Variants in VOPP1 observed in about 807,000 individuals in gnomAD.
VOPP1 encodes the protein VOPP1 WW domain binding protein.
In VOPP1, 8 loss-of-function variants were observed where a neutral mutation model predicts 23.5. The observed-to-expected ratio is 0.34, with a 90% confidence interval of 0.20 to 0.61. The LOEUF (loss-of-function observed/expected upper bound fraction) is 0.61. Among genes scored for constraint, VOPP1 ranks in the 20% least tolerant of loss-of-function variants. The pLI, the probability that VOPP1 is intolerant of heterozygous loss-of-function variation, is 0.78. For missense variants in VOPP1, 174 were observed against 238.1 expected (o/e 0.73, Z 1.77); for synonymous variants, 83 against 97.3 (o/e 0.85, Z 0.86).
chr7:55,560,608 G>C (rs1220292571), intron 1 of VOPP1, among the ~76,000 whole-genome samples: 1 of 152,186 alleles, frequency 6.6e-6, no homozygotes, highest in Non-Finnish European at 1.5e-5. Context: ...TGAGCCCACT[G>C]AGAGCCATTT....
intron 1 of VOPP1, among the ~76,000 whole-genome samples, chr7:55,524,108 G>T (rs1796031884): frequency 6.6e-6 from 1 of 152,194 alleles, no homozygotes; most frequent in Non-Finnish European, 1.5e-5. Context: ...GCCCTTCCTG[G>T]GGCCCTCCCA....
At position 55,497,845 on chromosome 7, in the gene VOPP1, C is replaced by T. The variant is rs538309074; in HGVS notation, c.114-155G>A. Reference sequence around the variant, plus strand: ...CTGCCTCCACTGCATTTCACAGAACCAGCAGAGCAGAATGACATCAGCCTG... The same window carrying T: ...CTGCCTCCACTGCATTTCACAGAACTAGCAGAGCAGAATGACATCAGCCTG... On this transcript the variant is annotated intron_variant, in intron 2 of 4. Coordinates refer to ENST00000285279, the MANE Select transcript of VOPP1 (RefSeq NM_030796.5). 1.6e-4 allele frequency among the ~76,000 whole-genome samples: 25 copies of T among 152,376 alleles called. No homozygotes were observed. In the East Asian group the frequency reaches 4.6e-3, roughly 28 times the overall value.
At chr7:55,473,290 G>A (rs1402938178) in intron 4 of VOPP1, among the ~76,000 whole-genome samples, 3 of 152,200 alleles carry the variant, frequency 2.0e-5, no homozygotes, top group Non-Finnish European at 4.4e-5. Flanking sequence ...TCACACATTA[G>A]GGTGGAGGAA....
intron 1 of VOPP1, among the ~76,000 whole-genome samples, chr7:55,551,063 C>T (rs1584105451): frequency 6.6e-6 from 1 of 152,212 alleles, no homozygotes; most frequent in East Asian, 1.9e-4. Context: ...ACACTGAGTG[C>T]TCTGGTTGGG....
At chr7:55,482,410 C>A (rs1792795161) in intron 4 of VOPP1, among the ~76,000 whole-genome samples, 1 of 147,544 alleles carries the variant, frequency 6.8e-6, no homozygotes, top group Non-Finnish European at 1.5e-5. Flanking sequence ...TGCAGTGGCG[C>A]TATCTAGGCT....
intron 1 of VOPP1, chr7:55,521,856 C>G: frequency 1.0e-6 from 1 of 983,794 alleles, no homozygotes; most frequent in Non-Finnish European, 1.2e-6. Flanking sequence ...CCCCACTGCT[C>G]AGGGAGCTCT....
chr7:55,534,087 T>A (rs532569039), intron 1 of VOPP1, among the ~76,000 whole-genome samples: 1 of 151,632 alleles, frequency 6.6e-6, no homozygotes, highest in South Asian at 2.1e-4. Flanking sequence ...GCTGTCACTG[T>A]GTCCTGGCTT....
chr7:55,473,054 C>T lies in VOPP1; in HGVS notation c.329-9G>A, dbSNP rs991178355. ...CCCCGGCTGCTGGGCTCCTGAAAGA[C>T]AGACAAACATAGGTGAGCACAGAAG... On this transcript the variant is annotated splice_polypyrimidine_tract_variant and intron_variant, in intron 4 of 4. Coordinates refer to ENST00000285279, the MANE Select transcript of VOPP1 (RefSeq NM_030796.5). The T allele has an allele frequency of 1.3e-6, 2 of 1,596,404 alleles. No homozygotes were observed. The highest frequency in any genetic ancestry group is 2.7e-5 in the African/African-American group (2 of 74,092).
At chr7:55,548,495 CACTT>C (rs879294904) in intron 1 of VOPP1, among the ~76,000 whole-genome samples, 17 of 152,236 alleles carry the variant, frequency 1.1e-4, no homozygotes, top group Admixed American at 9.8e-4. Flanking sequence ...TATCTGTCCT[CACTT>C]ACAGGGACCT....
At chr7:55,557,048 T>C (rs1387235607) in intron 1 of VOPP1, among the ~76,000 whole-genome samples, 3 of 152,238 alleles carry the variant, frequency 2.0e-5, no homozygotes, top group African/African-American at 7.2e-5. Flanking sequence ...AAGCCTTCAC[T>C]TCCTACTTCG....
rs1222470134 is a variant in VOPP1 at position 55,470,950 on chromosome 7, T to C, written c.*1905A>G. ...CTCACACAAACATGGGAATACAAAA[T>C]TGTTGAGCCCTAGCCATCACTGTCT... On this transcript the variant is annotated 3_prime_UTR_variant, in exon 5 of 5. Transcript: ENST00000285279. The C allele has an allele frequency of 6.6e-6, 1 of 152,322 alleles. No individual in the cohort carries two copies. Among genetic ancestry groups the C allele is most frequent in the Non-Finnish European group, 1.5e-5 (1 of 68,026 alleles). 9.4% of individuals were successfully genotyped at this position (152,322 alleles called of 1,614,324 possible).
intron 1 of VOPP1, among the ~76,000 whole-genome samples, chr7:55,550,041 C>T (rs763447336): frequency 2.6e-5 from 4 of 152,214 alleles, no homozygotes; most frequent in Admixed American, 2.0e-4. Context: ...CACCACAGGC[C>T]GGGCCAAGGG....
chr7:55,482,482 ATTTTTTTTTT>A (rs71031859), intron 4 of VOPP1, among the ~76,000 whole-genome samples: 5 of 132,824 alleles, frequency 3.8e-5, no homozygotes, highest in Non-Finnish European at 6.3e-5. Flanking sequence ...CACCTGGCTA[ATTTTTTTTTT>A]TTTTTTTTTT....
chr7:55,479,007 G>A (rs1039628320), intron 4 of VOPP1, among the ~76,000 whole-genome samples: 2 of 152,200 alleles, frequency 1.3e-5, no homozygotes, highest in African/African-American at 2.4e-5. Flanking sequence ...ATGCTGCTGA[G>A]CCATGCAGTT....
At chr7:55,542,954 T>C (rs543756104) in intron 1 of VOPP1, among the ~76,000 whole-genome samples, 1 of 152,194 alleles carries the variant, frequency 6.6e-6, no homozygotes, top group Non-Finnish European at 1.5e-5. Context: ...CTCGCTCTGT[T>C]GTCCAGGCTG....
At chr7:55,456,759 TGG>T (rs1376827002) in intron 4 of VOPP1, among the ~76,000 whole-genome samples, 1 of 151,498 alleles carries the variant, frequency 6.6e-6, no homozygotes. Context: ...TGAAAACACA[TGG>T]ACACAGGGAG....
At position 55,497,718 on chromosome 7, in the gene VOPP1, C is replaced by T. The variant is rs773126361; in HGVS notation, c.114-28G>A. ...GTGGAGAGAGGCACAGGCTGGTCAGCACTGAATTGGAAGCAGCCACCGGAC... is the reference window on the plus strand; with the variant it reads ...GTGGAGAGAGGCACAGGCTGGTCAGTACTGAATTGGAAGCAGCCACCGGAC... On this transcript the variant is annotated intron_variant, in intron 2 of 4. Coordinates refer to ENST00000285279, the MANE Select transcript of VOPP1 (RefSeq NM_030796.5). 16 of 1,609,454 alleles carry T rather than the reference C, an allele frequency of 9.9e-6. No homozygotes were observed. The Admixed American group carries it at 2.7e-4, about 27-fold the overall frequency.
chr7:55,538,583 T>A, intron 1 of VOPP1: 1 of 1,532,048 alleles, frequency 6.5e-7, no homozygotes, highest in African/African-American at 1.4e-5. Context: ...CATGGTTTAA[T>A]AACAAACATA....
At chr7:55,468,662 C>G (rs1457721880), downstream of VOPP1, among the ~76,000 whole-genome samples, 2 of 152,256 alleles carry the variant, frequency 1.3e-5, no homozygotes, top group African/African-American at 4.8e-5. Flanking sequence ...TCTGGAAGTG[C>G]CTGGGCGGGG....
Sources: allele counts gnomAD v4.1 joint callset (sites outside exome capture counted in the v4.1 genomes callset), GRCh38; gene constraint gnomAD v4.1.1; transcripts MANE v1.5; gene names NCBI Gene and HGNC (gene_info 2026-07-23, HGNC 2026-07-21).